EBP: variants seen among roughly 807,000 people sequenced by gnomAD.
EBP encodes the protein 3-beta-hydroxysteroid-Delta(8),Delta(7)-isomerase.
In EBP, 1 loss-of-function variant was observed where a neutral mutation model predicts 14.1. The observed-to-expected ratio is 0.07, with a 90% confidence interval of 0.03 to 0.34. The LOEUF (loss-of-function observed/expected upper bound fraction) is 0.34. Ranked by LOEUF, EBP falls within the 10% of genes least tolerant of loss-of-function variation. The probability of loss-of-function intolerance (pLI) is 0.99; values close to 1 mark genes in which losing one functional copy is unlikely to be tolerated. For missense variants in EBP, 123 were observed against 184.6 expected (o/e 0.67, Z 1.93); for synonymous variants, 72 against 77.7 (o/e 0.93, Z 0.38).
At position 48,523,932 on chromosome X, in the gene EBP, C is replaced by T. The variant is rs2061771576; in HGVS notation, c.161C>T (p.Ala54Val). Reference protein sequence around the residue: ...VTTWLLSGRAAVVPLGTWRRL... With the variant: ...VTTWLLSGRAVVVPLGTWRRL... ...ACATGGCTGTTGTCAGGTCGTGCTG[C>T]GGTTGTCCCATTGGGGACTTGGCGG... The change falls in exon 2 of 5, where the codon GCG (alanine) becomes GTG (valine). Residue 54 changes from alanine to valine, a missense_variant. Transcript: ENST00000495186. 3.3e-6 allele frequency: 4 copies of T among 1,211,530 alleles called. No homozygotes were observed. The highest frequency in any genetic ancestry group is 4.5e-6 in the Non-Finnish European group (4 of 895,513).
rs190743318 is a variant in EBP, at chrX:48,522,964, C to T, written c.-73-735C>T. Among the ~76,000 whole-genome samples, 1,080 of 109,730 alleles carry T rather than the reference C, an allele frequency of 9.8e-3. 7 individuals carry two copies. The highest frequency in any genetic ancestry group is 0.016 in the Non-Finnish European group (834 of 52,540). On this transcript the variant is annotated intron_variant, in intron 1 of 4. Transcript: ENST00000495186. Reference sequence around the variant, plus strand: ...CTGGGATTACAGGCGTGAGCCACCGCGCCCGGCCTTCTTTTTTAGAGGCAG... The same window carrying T: ...CTGGGATTACAGGCGTGAGCCACCGTGCCCGGCCTTCTTTTTTAGAGGCAG...
intron 4 of EBP, chrX:48,527,750 C>A (rs782648558): frequency 1.1e-5 from 2 of 176,841 alleles, no homozygotes. Context: ...GGACTACAGG[C>A]ATGTGCCACC....
chrX:48,526,300 G>A (rs900608900), intron 2 of EBP, among the ~76,000 whole-genome samples: 2 of 106,826 alleles, frequency 1.9e-5, no homozygotes, highest in Admixed American at 2.0e-4. Flanking sequence ...ACCTATTCAA[G>A]TCTTCTGCCT....
At chrX:48,524,109 A>G (rs1209013152) in intron 2 of EBP, 37 bp downstream of exon 2, 1 of 1,170,400 alleles carries the variant, frequency 8.5e-7, no homozygotes, top group Non-Finnish European at 1.2e-6. Flanking sequence ...GTGGGATGGG[A>G]TTTGCTGGGC....
intron 1 of EBP, among the ~76,000 whole-genome samples, chrX:48,522,503 C>G (rs1221466272): frequency 9.0e-6 from 1 of 110,995 alleles, no homozygotes; most frequent in Non-Finnish European, 1.9e-5. Flanking sequence ...CAGACTGTGA[C>G]CAGGGAGGGC....
At chrX:48,527,415 A>G in intron 4 of EBP, 130 bp downstream of exon 4, 1 of 1,051,724 alleles carries the variant, frequency 9.5e-7, no homozygotes, top group Admixed American at 2.3e-5. Context: ...CTGAATGACA[A>G]ACCCCCTGAG....
chrX:48,527,272 T>C lies in EBP; in HGVS notation c.456T>C (p.Leu152=). ...ATCCCCTCCGCTTCATTCTACAGCTTGTGGTCTCTGTGGGTAAGGAAAGGG... is the reference window on the plus strand; with the variant it reads ...ATCCCCTCCGCTTCATTCTACAGCTCGTGGTCTCTGTGGGTAAGGAAAGGG... The part of the protein sequence containing the change: ...RQHPLRFILQ[L]VVSVGQIYGD... Residue 152 remains leucine (L), a synonymous_variant, in exon 4 of 5, where the codon CTT becomes CTC. Coordinates refer to ENST00000495186, the MANE Select transcript of EBP (RefSeq NM_006579.3). The C allele has an allele frequency of 8.3e-7, 1 of 1,211,098 alleles. No individual in the cohort carries two copies.
chrX:48,528,349 G>A lies in EBP; in HGVS notation c.585G>A (p.Leu195=), dbSNP rs782685815. The change falls in exon 5 of 5, where the codon CTG becomes CTA. Residue 195 remains leucine, a synonymous_variant. Coordinates refer to ENST00000495186, the MANE Select transcript of EBP (RefSeq NM_006579.3). ...TTTACTTTGTCTTCATGAATGCCCT[G>A]TGGCTGGTGCTGCCTGGAGTCCTTG... ...FWFYFVFMNA[L]WLVLPGVLVL... 10 of 1,202,148 alleles carry A rather than the reference G, an allele frequency of 8.3e-6. No homozygotes were observed. In the East Asian group the frequency reaches 2.4e-4, roughly 29 times the overall value.
intron 2 of EBP, among the ~76,000 whole-genome samples, chrX:48,525,273 T>A (rs1336366664): frequency 8.9e-6 from 1 of 112,729 alleles, no homozygotes; most frequent in Non-Finnish European, 1.9e-5. Context: ...TTATTATCAT[T>A]ATTTGCACTT....
At chrX:48,524,172 T>C (rs2061772543) in intron 2 of EBP, 100 bp downstream of exon 2, 1 of 827,920 alleles carries the variant, frequency 1.2e-6, no homozygotes, top group Non-Finnish European at 1.7e-6. Flanking sequence ...CATTGATTTA[T>C]TTTAAATTTT....
rs782080670 is a variant in EBP at position 48,523,097 on chromosome X, GCCTTTGTCACCACA to G, written c.-73-598_-73-585del. Among the ~76,000 whole-genome samples, 6 of 112,062 alleles carry G rather than the reference GCCTTTGTCACCACA, an allele frequency of 5.4e-5. No homozygotes were observed. The East Asian group carries it at 1.7e-3, about 32-fold the overall frequency. On this transcript the variant is annotated intron_variant, in intron 1 of 4. Coordinates refer to ENST00000495186, the MANE Select transcript of EBP (RefSeq NM_006579.3). ...GCCTACCTACTAGCTGGGACTACAG[GCCTTTGTCACCACA>G]CCTGACTGATTTTCTTATTTTTTTA... is the stretch of plus-strand genomic sequence containing the variant.
chrX:48,528,328 C>T lies in EBP; in HGVS notation c.564C>T (p.Tyr188=), dbSNP rs140245281. ...GCCACCCTCTCTACTTCTGGTTTTA[C>T]TTTGTCTTCATGAATGCCCTGTGGC... ...ELGHPLYFWF[Y]FVFMNALWLV... The change falls in exon 5 of 5, where the codon TAC becomes TAT. Residue 188 remains tyrosine, a synonymous_variant. Transcript: ENST00000495186. 8.0e-5 allele frequency: 97 copies of T among 1,208,266 alleles called. No individual in the cohort carries two copies. Among genetic ancestry groups the T allele is most frequent in the Non-Finnish European group, 1.0e-4 (93 of 894,459 alleles).
chrX:48,527,513 A>G (rs782197595), intron 4 of EBP: 1 of 499,874 alleles, frequency 2.0e-6, no homozygotes, highest in Non-Finnish European at 3.2e-6. Flanking sequence ...CTCCATCACA[A>G]AGTCTCCTGT....
chrX:48,524,309 A>G (rs1357363313), intron 2 of EBP, among the ~76,000 whole-genome samples: 20 of 109,930 alleles, frequency 1.8e-4, no homozygotes, highest in Non-Finnish European at 3.8e-5. Flanking sequence ...CCTGGTCAAC[A>G]TGGCAAAACC....
intron 2 of EBP, 52 bp from the exon 3 acceptor site, chrX:48,526,937 T>C: frequency 8.4e-7 from 1 of 1,189,177 alleles, no homozygotes; most frequent in South Asian, 1.8e-5. Context: ...CTCACAAGTG[T>C]GTGTTCCTTT....
intron 1 of EBP, among the ~76,000 whole-genome samples, chrX:48,522,435 G>A (rs1391363367): frequency 9.0e-6 from 1 of 111,532 alleles, no homozygotes; most frequent in Non-Finnish European, 1.9e-5. Flanking sequence ...TTTGGTGGTC[G>A]TGAGCAGTTT....
intron 2 of EBP, among the ~76,000 whole-genome samples, chrX:48,525,247 ATGT>A (rs2061775676): frequency 8.9e-6 from 1 of 112,644 alleles, no homozygotes; most frequent in Non-Finnish European, 1.9e-5. Context: ...AGTGGTTGCC[ATGT>A]AACTGTTCAC....
intron 2 of EBP, among the ~76,000 whole-genome samples, chrX:48,525,306 A>C (rs1444788812): frequency 8.9e-6 from 1 of 112,081 alleles, no homozygotes; most frequent in Non-Finnish European, 1.9e-5. Flanking sequence ...ACAAATGGTA[A>C]TATGCTATAT....
chrX:48,523,166 G>A (rs2061768407), intron 1 of EBP, among the ~76,000 whole-genome samples: 1 of 112,107 alleles, frequency 8.9e-6, no homozygotes, highest in South Asian at 3.6e-4. Flanking sequence ...GCCCAGGCCG[G>A]ACTTGAATTC....
Sources: allele counts gnomAD v4.1 joint callset (sites outside exome capture counted in the v4.1 genomes callset), GRCh38; gene constraint gnomAD v4.1.1; transcripts MANE v1.5; gene names NCBI Gene and HGNC (gene_info 2026-07-23, HGNC 2026-07-21).